ACSF3: variants seen among roughly 807,000 people sequenced by gnomAD.
The protein encoded by ACSF3 is malonate--CoA ligase ACSF3, mitochondrial.
ACSF3 carries 78 observed loss-of-function variants against 53.2 expected under a neutral mutation model. That is an observed-to-expected ratio of 1.47 (90% CI 1.22 to 1.77). The LOEUF is 1.77. Among genes scored for constraint, ACSF3 ranks in the 40% most tolerant of loss-of-function variants. ACSF3 has a pLI of 0.00. For synonymous variants in ACSF3, 414 were observed against 333.1 expected (o/e 1.24, Z -2.65); for missense variants, 937 against 771.1 (o/e 1.22, Z -2.55).
Position 89,156,019 on chromosome 16 carries a change from G to A in ACSF3, c.*1812G>A, listed in dbSNP as rs976438633. On this transcript the variant is annotated 3_prime_UTR_variant, in exon 11 of 11. Coordinates refer to ENST00000614302, the MANE Select transcript of ACSF3 (RefSeq NM_001243279.3). ...TTGACCAGCCGGTTGACCAGAATAC[G>A]GTGCTCCAAGGACATGCGGTTGAAT... Among the ~76,000 whole-genome samples the A allele has an allele frequency of 1.3e-5, 2 of 152,128 alleles. No homozygotes were observed. Among genetic ancestry groups the A allele is most frequent in the South Asian group, 2.1e-4 (1 of 4,822 alleles).
rs143508367 is a variant in ACSF3 at position 89,107,965 on chromosome 16, A to T, written c.823-4127A>T. On this transcript the variant is annotated intron_variant, in intron 4 of 10. Coordinates refer to ENST00000614302, the MANE Select transcript of ACSF3 (RefSeq NM_001243279.3). ...GGTTTAATTGGACTCGCAGTTCCAC[A>T]TGGCTGGGGAGGCCTCAGAATCATG... Among the ~76,000 whole-genome samples the T allele has an allele frequency of 3.9e-3, 591 of 152,348 alleles. 5 individuals carry two copies. Among genetic ancestry groups the T allele is most frequent in the Non-Finnish European group, 6.2e-3 (422 of 68,038 alleles).
rs1287775083 is a variant in ACSF3 at position 89,154,463 on chromosome 16, G to A, written c.*256G>A. 4.8e-6 allele frequency: 3 copies of A among 628,262 alleles called. No homozygotes were observed. The highest frequency in any genetic ancestry group is 3.0e-5 in the South Asian group (2 of 66,018). The allele number at this position is 628,262 out of a possible 1,614,324, so 38.9% of individuals were successfully genotyped here. On this transcript the variant is annotated 3_prime_UTR_variant, in exon 11 of 11. Coordinates refer to ENST00000614302, the MANE Select transcript of ACSF3 (RefSeq NM_001243279.3). ...GCCGACCTCATCTGTGCAGCGCGGTGCAGCCAGCCCCTGGCCCCACGTGCT... is the reference window on the plus strand; with the variant it reads ...GCCGACCTCATCTGTGCAGCGCGGTACAGCCAGCCCCTGGCCCCACGTGCT...
chr16:89,105,224 G>A (rs562703874), intron 4 of ACSF3, among the ~76,000 whole-genome samples: 58 of 152,334 alleles, frequency 3.8e-4, no homozygotes, highest in Non-Finnish European at 4.0e-4. Flanking sequence ...AGTCTGTTAA[G>A]ATGGCAGACA....
At chr16:89,129,228 C>T (rs1356715629) in intron 7 of ACSF3, among the ~76,000 whole-genome samples, 1 of 152,214 alleles carries the variant, frequency 6.6e-6, no homozygotes, top group Non-Finnish European at 1.5e-5. Context: ...ACCACTTGTT[C>T]TGTTACTAAG....
At position 89,154,180 on chromosome 16, in the gene ACSF3, G is replaced by C; in HGVS notation, c.1704G>C (p.Ala568=). 3.1e-6 allele frequency: 5 copies of C among 1,613,534 alleles called. No individual in the cohort carries two copies. The highest frequency in any genetic ancestry group is 4.2e-6 in the Non-Finnish European group (5 of 1,179,866). The change falls in exon 11 of 11, where the codon GCG becomes GCC. Residue 568 remains alanine, a synonymous_variant. Transcript: ENST00000614302. ...AGATGGGCAAGATTGACAAGAAGGC[G>C]CTCATCAGGCACTTCCACCCCTCAT... ...RNQMGKIDKK[A]LIRHFHPS is the part of the protein sequence containing the mutation.
chr16:89,109,652 C>A (rs1976453038), intron 4 of ACSF3, among the ~76,000 whole-genome samples: 3 of 152,074 alleles, frequency 2.0e-5, no homozygotes, highest in African/African-American at 7.2e-5. Flanking sequence ...CCTCAAGTAA[C>A]CTGCCTGCCT....
chr16:89,137,777 G>T (rs1184583413), intron 8 of ACSF3, among the ~76,000 whole-genome samples: 2 of 152,140 alleles, frequency 1.3e-5, no homozygotes, highest in African/African-American at 4.8e-5. Flanking sequence ...AAGGGAGCTG[G>T]GCCCAGGTGG....
chr16:89,149,777 C>T (rs1346101557), intron 10 of ACSF3: 1 of 152,058 alleles, frequency 6.6e-6, no homozygotes, highest in Non-Finnish European at 1.5e-5. Context: ...GAAAAGGTAA[C>T]CTTTGGTTGG....
At chr16:89,117,192 T>C (rs538317045) in intron 6 of ACSF3, among the ~76,000 whole-genome samples, 1 of 152,194 alleles carries the variant, frequency 6.6e-6, no homozygotes, top group East Asian at 1.9e-4. Flanking sequence ...CTGCACAGTT[T>C]GTAGTTCATG....
chr16:89,110,145 A>C (rs777897708), intron 4 of ACSF3, among the ~76,000 whole-genome samples: 2 of 152,232 alleles, frequency 1.3e-5, no homozygotes, highest in Non-Finnish European at 2.9e-5. Context: ...AAAAATTTTA[A>C]AAATAAATTC....
intron 8 of ACSF3, among the ~76,000 whole-genome samples, chr16:89,139,595 T>G (rs937748473): frequency 2.6e-4 from 38 of 146,038 alleles, no homozygotes; most frequent in African/African-American, 9.1e-4. Flanking sequence ...TTTTCTGTTT[T>G]TTTTTTTTTT....
chr16:89,112,578 C>T (rs34686060), intron 5 of ACSF3, among the ~76,000 whole-genome samples: 4 of 152,096 alleles, frequency 2.6e-5, no homozygotes, highest in Admixed American at 1.3e-4. Context: ...CTCTGTCTCT[C>T]TTGTCAGACT....
chr16:89,133,704 C>T (rs896330324), intron 8 of ACSF3, among the ~76,000 whole-genome samples: 1 of 152,250 alleles, frequency 6.6e-6, no homozygotes, highest in Non-Finnish European at 1.5e-5. Context: ...TTGTGCCCTC[C>T]ACATCCTTCT....
rs1030807848 is a variant in ACSF3 at position 89,101,904 on chromosome 16, G to A, written c.666+557G>A. On this transcript the variant is annotated intron_variant, in intron 3 of 10. Transcript: ENST00000614302. Reference sequence around the variant, plus strand: ...CCACGGAGTCGTGGGCTGACGAGGCGCCATGAGCACACAGCAGGCTGGGCC... The same window carrying A: ...CCACGGAGTCGTGGGCTGACGAGGCACCATGAGCACACAGCAGGCTGGGCC... Among the ~76,000 whole-genome samples the A allele has an allele frequency of 6.6e-5, 10 of 152,230 alleles. No individual in the cohort carries two copies. In the East Asian group the frequency reaches 1.7e-3, roughly 26 times the overall value.
intron 9 of ACSF3, 146 bp downstream of exon 9, chr16:89,145,547 C>T: frequency 9.4e-7 from 1 of 1,066,572 alleles, no homozygotes; most frequent in African/African-American, 1.6e-5. Context: ...CCTGCCCTGG[C>T]CAGGGAACAT....
At chr16:89,096,416 C>T (rs978090183) in intron 1 of ACSF3, among the ~76,000 whole-genome samples, 13 of 152,190 alleles carry the variant, frequency 8.5e-5, no homozygotes, top group African/African-American at 2.2e-4. Context: ...AGACCGCGCA[C>T]AGCCATCTGC....
At position 89,154,499 on chromosome 16, in the gene ACSF3, C is replaced by A; in HGVS notation, c.*292C>A. On this transcript the variant is annotated 3_prime_UTR_variant, in exon 11 of 11. Transcript: ENST00000614302. ...CTGGCCCCACGTGCTGAGGCACCTC[C>A]CGCCCCACAGTGCCCTGCAGTTGCC... The A allele has an allele frequency of 1.7e-6, 1 of 571,800 alleles. No individual in the cohort carries two copies. The highest frequency in any genetic ancestry group is 3.3e-6 in the Non-Finnish European group (1 of 303,090). The allele number at this position is 571,800 out of a possible 1,614,324, so 35.4% of individuals were successfully genotyped here. A position where few individuals can be genotyped will look rare whatever the true frequency, so the allele number is the denominator to read the frequency against.
chr16:89,094,114 C>A (rs1974330542), intron 1 of ACSF3, 118 bp downstream of exon 1: 1 of 151,354 alleles, frequency 6.6e-6, no homozygotes, highest in Non-Finnish European at 1.5e-5. Flanking sequence ...TGGCCCGTGG[C>A]GCGGTCGCTT....
At chr16:89,138,587 G>A (rs994657651) in intron 8 of ACSF3, among the ~76,000 whole-genome samples, 5 of 152,222 alleles carry the variant, frequency 3.3e-5, no homozygotes, top group Admixed American at 6.5e-5. Flanking sequence ...GGCCTGCCAC[G>A]CTCAGCCAGG....
Sources: gnomAD v4.1 joint callset for allele counts (sites outside exome capture counted in the v4.1 genomes callset) on GRCh38, gnomAD v4.1.1 for gene constraint, MANE v1.5 for transcripts, NCBI Gene and HGNC (gene_info 2026-07-23, HGNC 2026-07-21) for gene names.